Variants in COX10 observed in about 807,000 individuals in gnomAD.
COX10 encodes cytochrome c oxidase assembly factor heme A:farnesyltransferase COX10, also known as protoheme IX farnesyltransferase, mitochondrial.
A neutral mutation model predicts 37.3 loss-of-function variants in COX10; 27 were observed. That is an observed-to-expected ratio of 0.72 (90% CI 0.53 to 1.00). The LOEUF is 1.00. COX10 is among the 50% of genes least tolerant of loss of function. The probability of loss-of-function intolerance (pLI) is 0.00; values close to 1 mark genes in which losing one functional copy is unlikely to be tolerated. For missense variants in COX10, 475 were observed against 563.2 expected, an observed-to-expected ratio of 0.84 and a Z score of 1.59; for synonymous variants, 222 against 229.1, an observed-to-expected ratio of 0.97 and a Z score of 0.28.
chr17:14,157,289 A>G (rs749841340), intron 4 of COX10, among the ~76,000 whole-genome samples: 2 of 152,180 alleles, frequency 1.3e-5, no homozygotes, highest in African/African-American at 4.8e-5. Context: ...TTGTATCCCC[A>G]TTGTATGGTG....
chr17:14,089,088 A>G (rs1298422527), intron 3 of COX10, among the ~76,000 whole-genome samples: 1 of 152,146 alleles, frequency 6.6e-6, no homozygotes, highest in Non-Finnish European at 1.5e-5. Flanking sequence ...AAGCCCAAAT[A>G]TCTTAAATTC....
intron 5 of COX10, among the ~76,000 whole-genome samples, chr17:14,189,429 T>C (rs1284235726): frequency 6.6e-6 from 1 of 152,238 alleles, no homozygotes; most frequent in Admixed American, 6.5e-5. Context: ...TGTAAACTGC[T>C]GATTTGGGGG....
intron 4 of COX10, among the ~76,000 whole-genome samples, chr17:14,103,298 A>G (rs927071395): frequency 3.7e-4 from 57 of 152,144 alleles, no homozygotes; most frequent in Admixed American, 8.5e-4. Context: ...ACATATTTTT[A>G]ATGAAAATGC....
chr17:14,105,793 C>A (rs888000738), intron 4 of COX10, among the ~76,000 whole-genome samples: 3 of 152,024 alleles, frequency 2.0e-5, no homozygotes, highest in Non-Finnish European at 4.4e-5. Context: ...GTGCCTATAT[C>A]TCACCACCCA....
intron 3 of COX10, among the ~76,000 whole-genome samples, chr17:14,078,138 A>G (rs1426380824): frequency 6.6e-6 from 1 of 152,146 alleles, no homozygotes; most frequent in Non-Finnish European, 1.5e-5. Flanking sequence ...ATTCTGTGTG[A>G]TAAGCTTGAA....
chr17:14,071,445 G>C (rs940053107), intron 1 of COX10, among the ~76,000 whole-genome samples: 85 of 152,166 alleles, frequency 5.6e-4, no homozygotes, highest in African/African-American at 2.0e-3. Context: ...GATCCATTTG[G>C]AAGATCTACT....
rs1236186019 is a variant in COX10 at position 14,175,091 on chromosome 17, G to A, written c.695+15144G>A. On this transcript the variant is annotated intron_variant, in intron 5 of 6. Transcript: ENST00000261643. ...TGGTTACTGGGAAATAGCGGGGGGGGGGGGGGTGGATAGGAGGGAATTGGC... is the reference window on the plus strand; with the variant it reads ...TGGTTACTGGGAAATAGCGGGGGGGAGGGGGGTGGATAGGAGGGAATTGGC... 3.4e-4 allele frequency among the ~76,000 whole-genome samples: 27 copies of A among 79,376 alleles called. 10 individuals carry two copies. The highest frequency in any genetic ancestry group is 8.0e-4 in the Non-Finnish European group (25 of 31,406). 52.1% of individuals were successfully genotyped at this position (79,376 alleles called of 152,430 possible).
intron 4 of COX10, among the ~76,000 whole-genome samples, chr17:14,150,776 C>CTTCA (rs1904872091): frequency 6.6e-6 from 1 of 152,162 alleles, no homozygotes; most frequent in Admixed American, 6.5e-5. Context: ...GAACAAGAGC[C>CTTCA]TTCAACTAGA....
intron 5 of COX10, among the ~76,000 whole-genome samples, chr17:14,188,135 A>T (rs1318996431): frequency 6.9e-6 from 1 of 144,182 alleles, no homozygotes; most frequent in South Asian, 2.2e-4. Flanking sequence ...ACAAGGGCCA[A>T]TTCAGGAAAA....
intron 1 of COX10, among the ~76,000 whole-genome samples, 194 bp from the exon 2 acceptor site, chr17:14,074,129 C>A (rs991228493): frequency 1.3e-5 from 2 of 152,124 alleles, no homozygotes; most frequent in Non-Finnish European, 2.9e-5. Flanking sequence ...AAGACCTACA[C>A]GGACTTAAAC....
intron 3 of COX10, among the ~76,000 whole-genome samples, chr17:14,093,440 A>C (rs984187144): frequency 1.3e-5 from 2 of 152,208 alleles, no homozygotes; most frequent in Non-Finnish European, 2.9e-5. Flanking sequence ...GGGACTTAAA[A>C]AAAAACAAAT....
chr17:14,189,737 A>C (rs1386452302), intron 5 of COX10, among the ~76,000 whole-genome samples: 1 of 152,176 alleles, frequency 6.6e-6, no homozygotes, highest in Non-Finnish European at 1.5e-5. Context: ...CCCCTTGTAT[A>C]CCTCCACCTT....
chr17:14,192,687 A>G (rs941760610), intron 6 of COX10, among the ~76,000 whole-genome samples: 24 of 152,144 alleles, frequency 1.6e-4, no homozygotes, highest in African/African-American at 4.6e-4. Flanking sequence ...ATTTATTTTT[A>G]TATGATTTGC....
intron 4 of COX10, among the ~76,000 whole-genome samples, chr17:14,139,788 G>A (rs1007126247): frequency 3.9e-5 from 6 of 152,088 alleles, no homozygotes; most frequent in African/African-American, 1.4e-4. Context: ...ATGATTGCCT[G>A]TCTTGCTGTA....
intron 5 of COX10, among the ~76,000 whole-genome samples, chr17:14,175,220 A>G (rs1340896799): frequency 6.7e-6 from 1 of 149,492 alleles, no homozygotes; most frequent in African/African-American, 2.5e-5. Context: ...TTTTTAACTC[A>G]GAACTAACTG....
At chr17:14,203,148 G>T (rs1263065589) in intron 6 of COX10, among the ~76,000 whole-genome samples, 1 of 151,990 alleles carries the variant, frequency 6.6e-6, no homozygotes, top group Non-Finnish European at 1.5e-5. Flanking sequence ...CTGTTTACCA[G>T]GTTAATGGAT....
chr17:14,206,494 C>T (rs930071885), intron 6 of COX10, among the ~76,000 whole-genome samples: 2 of 152,118 alleles, frequency 1.3e-5, no homozygotes, highest in African/African-American at 2.4e-5. Flanking sequence ...CAGGAGCCAG[C>T]GATGGTAAGC....
chr17:14,174,772 CAT>C (rs1386867494), intron 5 of COX10, among the ~76,000 whole-genome samples: 1 of 151,360 alleles, frequency 6.6e-6, no homozygotes, highest in East Asian at 1.9e-4. Flanking sequence ...CATACAATCC[CAT>C]TCCTGTGTAT....
At chr17:14,185,226 T>C (rs1905990827) in intron 5 of COX10, among the ~76,000 whole-genome samples, 1 of 150,580 alleles carries the variant, frequency 6.6e-6, no homozygotes, top group Admixed American at 6.6e-5. Context: ...TGTGCCTGTG[T>C]GCGTCTCCAG....
Sources: gnomAD v4.1 joint callset for allele counts (sites outside exome capture counted in the v4.1 genomes callset) on GRCh38, gnomAD v4.1.1 for gene constraint, MANE v1.5 for transcripts, NCBI Gene and HGNC (gene_info 2026-07-23, HGNC 2026-07-21) for gene names.